TENM3: variants seen among roughly 807,000 people sequenced by gnomAD.
TENM3 encodes teneurin transmembrane protein 3.
In TENM3, 63 loss-of-function variants were observed where a neutral mutation model predicts 255.1. The observed-to-expected ratio is 0.25, with a 90% CI of 0.20 to 0.30. TENM3 has a LOEUF of 0.30. TENM3 is among the 10% of genes least tolerant of loss of function. TENM3 has a pLI of 1.00. For missense variants in TENM3, 2,929 were observed against 3,461.1 expected, an observed-to-expected ratio of 0.85 and a Z score of 3.86; for synonymous variants, 1,306 against 1,322.3, an observed-to-expected ratio of 0.99 and a Z score of 0.27.
chr4:182,020,273 G>C, the TENM3 span, among the ~76,000 whole-genome samples: 1 of 152,048 alleles, frequency 6.6e-6, no homozygotes, highest in African/African-American at 2.4e-5. Flanking sequence ...GGCTGAGGCA[G>C]GAGAATTGCT....
chr4:181,710,889 G>GAAAAAAAA, the TENM3 span, among the ~76,000 whole-genome samples: 2 of 121,664 alleles, frequency 1.6e-5, no homozygotes. Context: ...AGGAAAAAAA[G>GAAAAAAAA]AAAAAAAAAA....
At chr4:182,637,838 G>A (rs1378599149) in intron 5 of TENM3, among the ~76,000 whole-genome samples, 1 of 152,176 alleles carries the variant, frequency 6.6e-6, no homozygotes, top group Non-Finnish European at 1.5e-5. Context: ...GAACTTTACT[G>A]AATCTGAGCA....
chr4:182,241,327 T>C (rs13122113), upstream of TENM3, among the ~76,000 whole-genome samples: 1 of 152,108 alleles, frequency 6.6e-6, no homozygotes. Flanking sequence ...TAATGAGAGG[T>C]CAACACACAT....
chr4:181,873,929 C>T, the TENM3 span, among the ~76,000 whole-genome samples: 2 of 152,096 alleles, frequency 1.3e-5, no homozygotes, highest in South Asian at 2.1e-4. Context: ...GGATTACAGG[C>T]GTGCACCACC....
chr4:181,918,531 TAA>T, the TENM3 span, among the ~76,000 whole-genome samples: 115 of 152,326 alleles, frequency 7.5e-4, 1 homozygote, highest in African/African-American at 2.5e-3. Flanking sequence ...ACAATAAGTT[TAA>T]AAGTCATATA....
chr4:182,387,652 G>T (rs769274828), intron 3 of TENM3, among the ~76,000 whole-genome samples: 1 of 152,008 alleles, frequency 6.6e-6, no homozygotes, highest in Non-Finnish European at 1.5e-5. Flanking sequence ...GAGTCCACGA[G>T]CCCACCGGGA....
At chr4:182,794,181 CAG>C (rs1766320663) in intron 26 of TENM3, among the ~76,000 whole-genome samples, 1 of 152,168 alleles carries the variant, frequency 6.6e-6, no homozygotes, top group African/African-American at 2.4e-5. Context: ...ATGATGAACA[CAG>C]AGTCCCAAAA....
At chr4:182,335,491 C>T (rs76811050) in intron 2 of TENM3, among the ~76,000 whole-genome samples, 8,787 of 60,018 alleles carry the variant, frequency 0.15, 373 homozygotes, top group South Asian at 0.2. Context: ...CGAGACTCCG[C>T]CTCAAAAAAA....
the TENM3 span, among the ~76,000 whole-genome samples, chr4:182,072,641 A>G: frequency 6.6e-6 from 1 of 152,198 alleles, no homozygotes; most frequent in African/African-American, 2.4e-5. Flanking sequence ...ACTGCTGCTT[A>G]ATCTTTTTCT....
At chr4:181,805,839 C>A in the TENM3 span, among the ~76,000 whole-genome samples, 1 of 152,220 alleles carries the variant, frequency 6.6e-6, no homozygotes, top group East Asian at 1.9e-4. Context: ...ATTGATGACA[C>A]GTATATTGAC....
rs1456684589 is a variant in TENM3, at chr4:182,151,640, CTA to C, written c.-76+6888_-76+6889del. ...CTCCTATAGTTCTTGAAGAATAAATCTATGACTTTTTTTCTCTTAGGAGCAAA... is the reference window on the plus strand; with the variant it reads ...CTCCTATAGTTCTTGAAGAATAAATCTGACTTTTTTTCTCTTAGGAGCAAA... On this transcript the variant is annotated intron_variant, in intron 1 of 2. Coordinates refer to the TENM3 transcript ENST00000512480. Among the ~76,000 whole-genome samples, 5 of 151,894 alleles carry C rather than the reference CTA, an allele frequency of 3.3e-5. No homozygotes were observed. In the East Asian group the frequency reaches 9.6e-4, roughly 29 times the overall value.
At chr4:181,969,018 G>A in the TENM3 span, among the ~76,000 whole-genome samples, 7 of 145,358 alleles carry the variant, frequency 4.8e-5, no homozygotes, top group African/African-American at 1.8e-4. Context: ...GTGTGTGTGT[G>A]TATGCCTCTG....
At chr4:181,960,397 A>G in the TENM3 span, among the ~76,000 whole-genome samples, 9 of 152,342 alleles carry the variant, frequency 5.9e-5, no homozygotes, top group South Asian at 1.0e-3. Flanking sequence ...ACCTACCTCA[A>G]TGAAAAATAT....
the TENM3 span, among the ~76,000 whole-genome samples, chr4:181,854,457 G>C: frequency 6.6e-6 from 1 of 152,074 alleles, no homozygotes; most frequent in African/African-American, 2.4e-5. Flanking sequence ...CCAAACTACG[G>C]TATCTTTCCC....
the TENM3 span, among the ~76,000 whole-genome samples, chr4:181,482,648 A>C: frequency 6.6e-6 from 1 of 152,112 alleles, no homozygotes; most frequent in Admixed American, 6.6e-5. Context: ...CCCTCAAAAA[A>C]AGGTTCCCTT....
chr4:181,592,256 A>AACACACACACACACAC, the TENM3 span, among the ~76,000 whole-genome samples: 612 of 148,410 alleles, frequency 4.1e-3, 1 homozygote, highest in South Asian at 7.7e-3. Flanking sequence ...TTTAAACACA[A>AACACACACACACACAC]ACACACACAC....
chr4:181,478,682 A>G, the TENM3 span, among the ~76,000 whole-genome samples: 1 of 152,224 alleles, frequency 6.6e-6, no homozygotes, highest in Non-Finnish European at 1.5e-5. Flanking sequence ...CTTTAAGTAT[A>G]TCAAGAGATT....
intron 3 of TENM3, among the ~76,000 whole-genome samples, chr4:182,469,133 ATTAGT>A (rs1421353147): frequency 6.6e-6 from 1 of 152,068 alleles, no homozygotes; most frequent in African/African-American, 2.4e-5. Context: ...ATTATTTGTG[ATTAGT>A]TTATTTTTAT....
At chr4:182,026,058 G>A in the TENM3 span, among the ~76,000 whole-genome samples, 19 of 152,128 alleles carry the variant, frequency 1.2e-4, no homozygotes, top group African/African-American at 4.6e-4. Flanking sequence ...TCCCACCTAT[G>A]AGTGAGAACA....
Sources: allele counts gnomAD v4.1 joint callset (sites outside exome capture counted in the v4.1 genomes callset), GRCh38; gene constraint gnomAD v4.1.1; transcripts MANE v1.5; gene names NCBI Gene and HGNC (gene_info 2026-07-23, HGNC 2026-07-21).